The following PTPRD variants were observed in gnomAD, a reference collection of about 807,000 sequenced individuals.
PTPRD encodes receptor-type tyrosine-protein phosphatase delta.
Under a neutral mutation model 214.5 loss-of-function variants are expected in PTPRD, and 34 were observed. The observed-to-expected ratio is 0.16, with a 90% CI of 0.12 to 0.21. The LOEUF is 0.21. Ranked by LOEUF, PTPRD falls within the 10% of genes least tolerant of loss-of-function variation. The pLI is 1.00. For synonymous variants in PTPRD, 1,128 were observed against 845.7 expected (o/e 1.33, Z -5.79); for missense variants, 2,545 against 2,398.7 (o/e 1.06, Z -1.27).
intron 10 of PTPRD, among the ~76,000 whole-genome samples, chr9:9,038,284 G>A (rs965262403): frequency 6.6e-6 from 1 of 152,114 alleles, no homozygotes; most frequent in Admixed American, 6.6e-5. Flanking sequence ...TGGGCAGCTG[G>A]GACCTACCAC....
chr9:8,382,929 T>A (rs2085624629), intron 37 of PTPRD, among the ~76,000 whole-genome samples: 1 of 152,204 alleles, frequency 6.6e-6, no homozygotes, highest in East Asian at 1.9e-4. Context: ...GACACAAACC[T>A]GGCATTTGGA....
chr9:9,932,812 A>G (rs1340206156), intron 5 of PTPRD, among the ~76,000 whole-genome samples: 1 of 125,488 alleles, frequency 8.0e-6, no homozygotes, highest in African/African-American at 3.0e-5. Flanking sequence ...AAAAAATGTT[A>G]AGGGCAGCCA....
In PTPRD at chr9:8,526,087, T is replaced by G. The variant is rs1477688462; in HGVS notation, c.568+540A>C. Among the ~76,000 whole-genome samples, 5 of 151,998 alleles carry G rather than the reference T, an allele frequency of 3.3e-5. No individual in the cohort carries two copies. The South Asian group carries it at 6.2e-4, about 19-fold the overall frequency. On this transcript the variant is annotated intron_variant, in intron 17 of 45. Coordinates refer to ENST00000381196, the MANE Select transcript of PTPRD (RefSeq NM_002839.4). ...TTAAGACATTAAGAGAAAAAAGAAT[T>G]GAAGAACAAAAGCAAAAACCTTTTG...
intron 44 of PTPRD, among the ~76,000 whole-genome samples, chr9:8,327,937 C>T (rs919411561): frequency 1.4e-5 from 2 of 147,118 alleles, no homozygotes; most frequent in Non-Finnish European, 3.0e-5. Context: ...CTCCTGAATA[C>T]AGCACACTGA....
intron 2 of PTPRD, among the ~76,000 whole-genome samples, chr9:10,447,380 G>T (rs570821368): frequency 6.6e-6 from 1 of 151,826 alleles, no homozygotes; most frequent in African/African-American, 2.4e-5. Context: ...AGGTACCTTT[G>T]GGCTCTCATT....
chr9:10,202,341 C>T (rs1334468055), intron 3 of PTPRD, among the ~76,000 whole-genome samples: 2 of 151,922 alleles, frequency 1.3e-5, no homozygotes, highest in Admixed American at 6.6e-5. Context: ...GGCTACTGAC[C>T]TTCTGCCTGT....
intron 8 of PTPRD, among the ~76,000 whole-genome samples, chr9:9,477,191 T>A (rs1385743528): frequency 6.6e-6 from 1 of 152,220 alleles, no homozygotes; most frequent in East Asian, 1.9e-4. Flanking sequence ...ACAATATTTT[T>A]ATCCCATAAA....
intron 2 of PTPRD, among the ~76,000 whole-genome samples, chr9:10,580,175 CA>C (rs1186507728): frequency 1.3e-5 from 2 of 152,186 alleles, no homozygotes; most frequent in Non-Finnish European, 2.9e-5. Context: ...GACAATAACA[CA>C]TTTTAGTAAA....
At chr9:8,427,902 T>C (rs1018480885) in intron 35 of PTPRD, among the ~76,000 whole-genome samples, 6 of 152,102 alleles carry the variant, frequency 3.9e-5, no homozygotes, top group Admixed American at 3.9e-4. Flanking sequence ...TATCTTAAAA[T>C]TGATGGCACC....
chr9:10,207,621 G>C (rs1050364758), intron 3 of PTPRD, among the ~76,000 whole-genome samples: 4 of 151,782 alleles, frequency 2.6e-5, no homozygotes, highest in South Asian at 2.1e-4. Context: ...GACTCAGAAT[G>C]TATGTTTGTA....
intron 10 of PTPRD, among the ~76,000 whole-genome samples, chr9:9,022,129 G>A (rs1020731393): frequency 2.0e-5 from 3 of 150,690 alleles, no homozygotes; most frequent in South Asian, 2.1e-4. Context: ...ATCCCAGAAC[G>A]TAAAGTAAAA....
At chr9:10,561,655 G>C (rs991634845) in intron 2 of PTPRD, among the ~76,000 whole-genome samples, 2 of 152,054 alleles carry the variant, frequency 1.3e-5, no homozygotes, top group Non-Finnish European at 2.9e-5. Flanking sequence ...AGACAGAGAA[G>C]GAAAATGTCT....
intron 7 of PTPRD, among the ~76,000 whole-genome samples, chr9:9,642,862 T>C (rs181510441): frequency 7.2e-5 from 11 of 152,338 alleles, no homozygotes; most frequent in African/African-American, 2.4e-5. Flanking sequence ...AGAACATATT[T>C]AGGGTCCCAC....
At chr9:8,776,460 T>C (rs954570449) in intron 11 of PTPRD, among the ~76,000 whole-genome samples, 4 of 152,146 alleles carry the variant, frequency 2.6e-5, no homozygotes, top group East Asian at 3.9e-4. Context: ...CACTACAATG[T>C]CCAGCTAATT....
chr9:10,156,395 CA>C (rs1355061530), intron 3 of PTPRD, among the ~76,000 whole-genome samples: 3 of 152,060 alleles, frequency 2.0e-5, no homozygotes, highest in African/African-American at 7.2e-5. Flanking sequence ...ATTATTTACT[CA>C]AAAGTCATTC....
intron 3 of PTPRD, among the ~76,000 whole-genome samples, chr9:10,126,317 C>G (rs1339333177): frequency 6.6e-6 from 1 of 151,768 alleles, no homozygotes; most frequent in Non-Finnish European, 1.5e-5. Context: ...ATTTAATATT[C>G]CATAATATCA....
At chr9:8,565,795 T>C (rs2088794250) in intron 14 of PTPRD, among the ~76,000 whole-genome samples, 1 of 152,202 alleles carries the variant, frequency 6.6e-6, no homozygotes, top group Admixed American at 6.5e-5. Context: ...CAAAAAGAAC[T>C]GGGGTAAGTT....
chr9:8,373,600 A>T (rs1301574670), intron 39 of PTPRD, among the ~76,000 whole-genome samples: 1 of 149,274 alleles, frequency 6.7e-6, no homozygotes, highest in Non-Finnish European at 1.5e-5. Flanking sequence ...GGCTTAACAT[A>T]ACATGGATGC....
intron 8 of PTPRD, among the ~76,000 whole-genome samples, chr9:9,444,727 C>T (rs1449651917): frequency 6.6e-6 from 1 of 152,094 alleles, no homozygotes; most frequent in Non-Finnish European, 1.5e-5. Context: ...CTCTAAGAAG[C>T]TCTTTAAATA....
Sources: allele counts gnomAD v4.1 joint callset (sites outside exome capture counted in the v4.1 genomes callset), GRCh38; gene constraint gnomAD v4.1.1; transcripts MANE v1.5; gene names NCBI Gene and HGNC (gene_info 2026-07-23, HGNC 2026-07-21).